Variants in VNN1 observed in about 807,000 individuals in gnomAD.
VNN1 encodes vanin 1, also known as pantetheinase.
In VNN1, 29 loss-of-function variants were observed where a neutral mutation model predicts 41.9. That is an observed-to-expected ratio of 0.69 (90% CI 0.52 to 0.94). The LOEUF is 0.94. Ranked by LOEUF, VNN1 falls within the 40% of genes least tolerant of loss-of-function variation. VNN1 has a pLI of 0.00. For synonymous variants in VNN1, 233 were observed against 224.4 expected, an observed-to-expected ratio of 1.04 and a Z score of -0.34; for missense variants, 637 against 621.1, an observed-to-expected ratio of 1.03 and a Z score of -0.27.
intron 2 of VNN1, among the ~76,000 whole-genome samples, chr6:132,703,947 A>T (rs192506245): frequency 4.6e-5 from 7 of 152,264 alleles, no homozygotes; most frequent in Admixed American, 2.6e-4. Context: ...GACAAAAACC[A>T]TAAAAGGAGA....
intron 2 of VNN1, among the ~76,000 whole-genome samples, chr6:132,702,447 G>C (rs78779972): frequency 6.6e-6 from 1 of 152,112 alleles, no homozygotes; most frequent in Non-Finnish European, 1.5e-5. Context: ...TAGGCCACAA[G>C]GACTACAATT....
intron 2 of VNN1, among the ~76,000 whole-genome samples, chr6:132,694,637 T>C (rs1394762364): frequency 1.3e-5 from 2 of 151,628 alleles, no homozygotes; most frequent in African/African-American, 2.4e-5. Flanking sequence ...GAAGGATTGC[T>C]TGAGCCCAGG....
chr6:132,693,616 G>T (rs1388218866), intron 3 of VNN1, among the ~76,000 whole-genome samples: 1 of 152,134 alleles, frequency 6.6e-6, no homozygotes, highest in East Asian at 1.9e-4. Flanking sequence ...GTTTTCCTTG[G>T]CAAGGAACTT....
In VNN1 at chr6:132,711,745, G is replaced by C. The variant is rs1249920595; in HGVS notation, c.305C>G (p.Pro102Arg). 1 of 1,613,838 alleles carries C rather than the reference G, an allele frequency of 6.2e-7. No individual in the cohort carries two copies. The highest frequency in any genetic ancestry group is 1.7e-5 in the Admixed American group (1 of 59,976). Residue 102 changes from proline (P) to arginine (R), a missense_variant, in exon 2 of 7, where the codon CCT (proline) becomes CGT (arginine). By Grantham distance (103) the Pro-to-Arg change is moderately radical. Transcript: ENST00000367928. ...LYPYLEDIPD[P>R]EVNWIPCNNR... ...ATTACAGGGGATCCAGTTTACTTCA[G>C]GGTCTGGGATGTCCTCCAAATATGG...
At chr6:132,695,461 G>A (rs1211434949) in intron 2 of VNN1, among the ~76,000 whole-genome samples, 1 of 152,064 alleles carries the variant, frequency 6.6e-6, no homozygotes, top group East Asian at 1.9e-4. Context: ...ATGGGAGCAG[G>A]GTGGACAATA....
chr6:132,711,333 C>T (rs746963058), intron 2 of VNN1, among the ~76,000 whole-genome samples: 1 of 152,212 alleles, frequency 6.6e-6, no homozygotes, highest in Non-Finnish European at 1.5e-5. Flanking sequence ...CTACATTAAC[C>T]TCATCAGCTA....
chr6:132,691,465 AC>A (rs1416950268), intron 5 of VNN1, among the ~76,000 whole-genome samples: 3 of 151,948 alleles, frequency 2.0e-5, no homozygotes, highest in African/African-American at 7.3e-5. Flanking sequence ...TTGGTGGTCA[AC>A]CCCATTCATA....
intron 5 of VNN1, 125 bp downstream of exon 5, chr6:132,692,098 G>T: frequency 9.1e-7 from 1 of 1,098,994 alleles, no homozygotes; most frequent in Non-Finnish European, 1.2e-6. Flanking sequence ...AAAATTTTTA[G>T]CATACATAAA....
At chr6:132,689,619 G>A (rs1342584334) in intron 5 of VNN1, among the ~76,000 whole-genome samples, 1 of 151,946 alleles carries the variant, frequency 6.6e-6, no homozygotes, top group Non-Finnish European at 1.5e-5. Context: ...CAGGTTTCTT[G>A]TCCTCTGTCC....
At chr6:132,694,397 A>G (rs1214866958) in intron 2 of VNN1, among the ~76,000 whole-genome samples, 2 of 152,242 alleles carry the variant, frequency 1.3e-5, no homozygotes, top group South Asian at 4.1e-4. Flanking sequence ...GTAGGATAAG[A>G]TTCCAGACCA....
chr6:132,697,680 A>T (rs1778392859), intron 2 of VNN1, among the ~76,000 whole-genome samples: 1 of 151,654 alleles, frequency 6.6e-6, no homozygotes, highest in East Asian at 1.9e-4. Context: ...CTACAAACAA[A>T]TTTGTATAAT....
chr6:132,711,861 C>T (rs930314509), intron 1 of VNN1, 22 bp from the exon 2 acceptor site: 2 of 1,611,036 alleles, frequency 1.2e-6, no homozygotes, highest in Middle Eastern at 1.6e-4. Context: ...GCAACTTAAT[C>T]CAAAGGGGGG....
At chr6:132,695,840 CAA>C (rs1491563486) in intron 2 of VNN1, among the ~76,000 whole-genome samples, 1 of 152,042 alleles carries the variant, frequency 6.6e-6, no homozygotes, top group African/African-American at 2.4e-5. Flanking sequence ...CCTACAACAA[CAA>C]AACAAACAAA....
chr6:132,685,481 T>C (rs1432250415), intron 5 of VNN1, among the ~76,000 whole-genome samples: 1 of 152,196 alleles, frequency 6.6e-6, no homozygotes, highest in Non-Finnish European at 1.5e-5. Flanking sequence ...TCAATTTTAT[T>C]TCCTACAATC....
At chr6:132,701,439 A>T (rs149964876) in intron 2 of VNN1, among the ~76,000 whole-genome samples, 169 of 152,328 alleles carry the variant, frequency 1.1e-3, no homozygotes, top group African/African-American at 3.4e-3. Context: ...TACAGCTAAC[A>T]TCCTATGGAA....
chr6:132,688,439 T>G (rs1778235520), intron 5 of VNN1, among the ~76,000 whole-genome samples: 1 of 152,098 alleles, frequency 6.6e-6, no homozygotes, highest in Non-Finnish European at 1.5e-5. Flanking sequence ...AACAGAAAGC[T>G]TGGTTTTACT....
intron 2 of VNN1, among the ~76,000 whole-genome samples, chr6:132,700,366 A>T (rs377502175): frequency 6.6e-6 from 1 of 152,166 alleles, no homozygotes; most frequent in East Asian, 1.9e-4. Flanking sequence ...TCTGCCCCTC[A>T]GATGCTGTAA....
In VNN1 at chr6:132,684,434, G is replaced by C. The variant is rs1582766087; in HGVS notation, c.1260C>G (p.Thr420=). ...CACTGAGGGAGAACATTTCAAACCTGGTAGAAGCTGTTTCAGCTGAGTCAC... is the reference window on the plus strand; with the variant it reads ...CACTGAGGGAGAACATTTCAAACCTCGTAGAAGCTGTTTCAGCTGAGTCAC... ...TCGDSAETAS[T]RFEMFSLSGT... is the part of the protein sequence containing the mutation. The change falls in exon 6 of 7, where the codon ACC becomes ACG. Residue 420 remains threonine, a synonymous_variant. Transcript: ENST00000367928. 1 of 1,613,934 alleles carries C rather than the reference G, an allele frequency of 6.2e-7. No homozygotes were observed. Among genetic ancestry groups the C allele is most frequent in the Middle Eastern group, 1.6e-4 (1 of 6,062 alleles).
Position 132,683,166 on chromosome 6 carries a change from G to A in VNN1, c.1516C>T (p.Pro506Ser), listed in dbSNP as rs1582765341. 5 of 1,613,050 alleles carry A rather than the reference G, an allele frequency of 3.1e-6. No homozygotes were observed. Among genetic ancestry groups the A allele is most frequent in the Non-Finnish European group, 3.4e-6 (4 of 1,179,630 alleles). The change falls in exon 7 of 7, where the codon CCT (proline) becomes TCT (serine). Residue 506 changes from proline (P) to serine (S), a missense_variant. By Grantham distance (74) the Pro-to-Ser change is moderately conservative. Transcript: ENST00000367928. ...ARIIMLIVIA[P>S]IVCSLSW ...TACCAACTTAATGAGCATACAATAG[G>A]TGCTATAACTATTAGCATTATTATT...
Sources: gnomAD v4.1 joint callset for allele counts (sites outside exome capture counted in the v4.1 genomes callset) on GRCh38, gnomAD v4.1.1 for gene constraint, MANE v1.5 for transcripts, NCBI Gene and HGNC (gene_info 2026-07-23, HGNC 2026-07-21) for gene names.